IRF2: variants seen among roughly 807,000 people sequenced by gnomAD.
The protein encoded by IRF2 is interferon regulatory factor 2.
In IRF2, 15 loss-of-function variants were observed where a neutral mutation model predicts 40.6. That is an observed-to-expected ratio of 0.37 (90% CI 0.25 to 0.57). IRF2 has a LOEUF of 0.57. IRF2 is among the 20% of genes least tolerant of loss of function. The probability of loss-of-function intolerance (pLI) is 0.77; values close to 1 mark genes in which losing one functional copy is unlikely to be tolerated. For missense variants in IRF2, 317 were observed against 455.7 expected, an observed-to-expected ratio of 0.70 and a Z score of 2.77; for synonymous variants, 151 against 165.5, an observed-to-expected ratio of 0.91 and a Z score of 0.67.
intron 5 of IRF2, among the ~76,000 whole-genome samples, chr4:184,416,485 GA>G (rs1188648946): frequency 6.6e-6 from 1 of 151,934 alleles, no homozygotes; most frequent in East Asian, 1.9e-4. Flanking sequence ...ATCACATGTG[GA>G]TTTTATATGG....
At chr4:184,452,309 G>C (rs1230649328) in intron 1 of IRF2, among the ~76,000 whole-genome samples, 5 of 152,184 alleles carry the variant, frequency 3.3e-5, no homozygotes, top group African/African-American at 1.2e-4. Context: ...GAAGACCATA[G>C]GCTTCGGCCC....
At chr4:184,403,671 C>T (rs1177841604) in intron 6 of IRF2, among the ~76,000 whole-genome samples, 1 of 152,260 alleles carries the variant, frequency 6.6e-6, no homozygotes, top group Non-Finnish European at 1.5e-5. Context: ...TTATAATATG[C>T]TCTCCCTAAC....
intron 1 of IRF2, among the ~76,000 whole-genome samples, chr4:184,431,308 G>A (rs1737868759): frequency 6.6e-6 from 1 of 152,226 alleles, no homozygotes; most frequent in Non-Finnish European, 1.5e-5. Flanking sequence ...GTCATGTATT[G>A]AGAATGATGC....
chr4:184,404,880 C>T (rs1406759710), intron 6 of IRF2, among the ~76,000 whole-genome samples: 5 of 152,184 alleles, frequency 3.3e-5, no homozygotes, highest in Non-Finnish European at 7.3e-5. Flanking sequence ...CAGCGTGCAC[C>T]TTGCACCCCG....
intron 5 of IRF2, among the ~76,000 whole-genome samples, chr4:184,414,334 A>G (rs1737185894): frequency 6.6e-6 from 1 of 152,124 alleles, no homozygotes; most frequent in African/African-American, 2.4e-5. Flanking sequence ...ATTTCTCATT[A>G]TTGTTTTTCT....
chr4:184,461,411 T>G (rs940543627), intron 1 of IRF2, among the ~76,000 whole-genome samples: 19 of 152,298 alleles, frequency 1.2e-4, no homozygotes, highest in Non-Finnish European at 2.1e-4. Context: ...ATGGAAGAAC[T>G]ATAAAAGGGA....
intron 7 of IRF2, among the ~76,000 whole-genome samples, chr4:184,398,432 G>A (rs1438571282): frequency 3.3e-5 from 5 of 152,078 alleles, no homozygotes; most frequent in African/African-American, 9.7e-5. Flanking sequence ...CAAGGTGGGC[G>A]GATCACCTGA....
intron 5 of IRF2, among the ~76,000 whole-genome samples, chr4:184,414,747 T>C (rs1737203732): frequency 6.6e-6 from 1 of 152,152 alleles, no homozygotes; most frequent in African/African-American, 2.4e-5. Flanking sequence ...CCCAAGAAAA[T>C]TCTAATACTT....
intron 7 of IRF2, among the ~76,000 whole-genome samples, chr4:184,396,794 T>C (rs1401422244): frequency 1.3e-5 from 2 of 152,052 alleles, no homozygotes; most frequent in African/African-American, 2.4e-5. Flanking sequence ...GTTACTCTAA[T>C]TATAATTAAA....
chr4:184,467,683 A>C lies in IRF2; in HGVS notation c.-7+6696T>G, dbSNP rs555678957. Among the ~76,000 whole-genome samples, 3 of 152,358 alleles carry C rather than the reference A, an allele frequency of 2.0e-5. No homozygotes were observed. In the East Asian group the frequency reaches 5.8e-4, roughly 29 times the overall value. On this transcript the variant is annotated intron_variant, in intron 1 of 8. Coordinates refer to ENST00000393593, the MANE Select transcript of IRF2 (RefSeq NM_002199.4). The stretch of plus-strand genomic sequence containing the variant: ...CAGAGTACTTCTTTGGATCTTCCCA[A>C]AATCTGACATTCATAAGAACAATTA...
At chr4:184,472,211 C>T (rs1739535978) in intron 1 of IRF2, 1 of 152,142 alleles carries the variant, frequency 6.6e-6, no homozygotes, top group South Asian at 2.1e-4. Flanking sequence ...TACTTTTGCC[C>T]CTTCTCCCAC....
chr4:184,471,186 G>A (rs1185490090), intron 1 of IRF2, among the ~76,000 whole-genome samples: 1 of 152,124 alleles, frequency 6.6e-6, no homozygotes, highest in Non-Finnish European at 1.5e-5. Flanking sequence ...CATAATTTAT[G>A]CAATGTTCTT....
rs57686276 is a variant in IRF2, at chr4:184,427,451, C to G, written c.87+1527G>C. Among the ~76,000 whole-genome samples, 6 of 152,150 alleles carry G rather than the reference C, an allele frequency of 3.9e-5. No individual in the cohort carries two copies. In the South Asian group the frequency reaches 1.2e-3, roughly 32 times the overall value. On this transcript the variant is annotated intron_variant, in intron 2 of 8. Coordinates refer to ENST00000393593, the MANE Select transcript of IRF2 (RefSeq NM_002199.4). Reference sequence around the variant, plus strand: ...CGGGCAGCACTTGAGTCCTGAAGTTCCAGACCAGTCTGGGCAACATAGTGA... The same window carrying G: ...CGGGCAGCACTTGAGTCCTGAAGTTGCAGACCAGTCTGGGCAACATAGTGA...
At chr4:184,473,653 C>T (rs971580041) in intron 1 of IRF2, among the ~76,000 whole-genome samples, 2 of 147,470 alleles carry the variant, frequency 1.4e-5, no homozygotes, top group Admixed American at 6.7e-5. Context: ...AGCCCGCCCT[C>T]CCGCCCCGGC....
At chr4:184,390,925 G>A (rs946294419) in intron 7 of IRF2, among the ~76,000 whole-genome samples, 176 bp from the exon 8 acceptor site, 14 of 152,320 alleles carry the variant, frequency 9.2e-5, no homozygotes, top group Middle Eastern at 6.8e-3. Context: ...TGTAATCTTC[G>A]GAGAAACCAG....
intron 1 of IRF2, among the ~76,000 whole-genome samples, chr4:184,452,386 C>G (rs1738745423): frequency 6.6e-6 from 1 of 152,206 alleles, no homozygotes; most frequent in Non-Finnish European, 1.5e-5. Flanking sequence ...GAGGCCATAG[C>G]CATATCCAGA....
At chr4:184,435,138 T>A (rs539333693) in intron 1 of IRF2, among the ~76,000 whole-genome samples, 1 of 152,356 alleles carries the variant, frequency 6.6e-6, no homozygotes, top group African/African-American at 2.4e-5. Flanking sequence ...TATTATCCTT[T>A]ATTACCTGCT....
intron 6 of IRF2, among the ~76,000 whole-genome samples, chr4:184,403,896 G>GA (rs1736757814): frequency 6.6e-6 from 1 of 152,118 alleles, no homozygotes; most frequent in African/African-American, 2.4e-5. Flanking sequence ...CAGCACATCT[G>GA]AAAAGAGTCA....
chr4:184,389,991 G>A (rs954474534), intron 8 of IRF2, among the ~76,000 whole-genome samples: 2 of 152,230 alleles, frequency 1.3e-5, no homozygotes, highest in Non-Finnish European at 2.9e-5. Context: ...CAGGGTGTAT[G>A]GGAGCGTGTA....
Sources: gnomAD v4.1 joint callset for allele counts (sites outside exome capture counted in the v4.1 genomes callset) on GRCh38, gnomAD v4.1.1 for gene constraint, MANE v1.5 for transcripts, NCBI Gene and HGNC (gene_info 2026-07-23, HGNC 2026-07-21) for gene names.